The following CNTN6 variants were observed in gnomAD, a reference collection of about 807,000 sequenced individuals.
The protein encoded by CNTN6 is contactin-6.
A neutral mutation model predicts 122.8 loss-of-function variants in CNTN6; 137 were observed. The observed-to-expected ratio is 1.12, with a 90% confidence interval of 0.97 to 1.29. The LOEUF is 1.29. Among genes scored for constraint, CNTN6 ranks in the 50% most tolerant of loss-of-function variants. The probability of loss-of-function intolerance (pLI) is 0.00; values close to 1 mark genes in which losing one functional copy is unlikely to be tolerated. For missense variants in CNTN6, 1,634 were observed against 1,223.4 expected (o/e 1.34, Z -5.01); for synonymous variants, 570 against 426.0 (o/e 1.34, Z -4.16).
chr3:1,198,378 A>G (rs2093808724), intron 2 of CNTN6, among the ~76,000 whole-genome samples: 1 of 152,168 alleles, frequency 6.6e-6, no homozygotes, highest in Non-Finnish European at 1.5e-5. Flanking sequence ...CCTTTAACCT[A>G]ATTTTTCAAA....
At chr3:1,397,190 C>G (rs908423280) in intron 20 of CNTN6, among the ~76,000 whole-genome samples, 1 of 152,082 alleles carries the variant, frequency 6.6e-6, no homozygotes, top group African/African-American at 2.4e-5. Context: ...CCGGCAATTT[C>G]TCTTTTAGAG....
chr3:1,178,102 T>A (rs1417748372), intron 2 of CNTN6, among the ~76,000 whole-genome samples: 2 of 152,022 alleles, frequency 1.3e-5, no homozygotes, highest in Non-Finnish European at 2.9e-5. Context: ...GGTTTCACCA[T>A]GTTGGCCAGG....
At chr3:1,106,598 C>A (rs182118511) in intron 1 of CNTN6, among the ~76,000 whole-genome samples, 173 of 152,108 alleles carry the variant, frequency 1.1e-3, no homozygotes, top group Middle Eastern at 3.4e-3. Flanking sequence ...ATATTAAAGC[C>A]ATGAAACAAA....
intron 19 of CNTN6, among the ~76,000 whole-genome samples, chr3:1,384,782 T>TACACACACACAC (rs1559990255): frequency 7.6e-6 from 1 of 132,166 alleles, no homozygotes; most frequent in African/African-American, 2.8e-5. Flanking sequence ...CATATATATA[T>TACACACACACAC]ATATATATAT....
chr3:1,381,505 C>T (rs1334711738), intron 17 of CNTN6, among the ~76,000 whole-genome samples: 1 of 152,016 alleles, frequency 6.6e-6, no homozygotes, highest in East Asian at 1.9e-4. Flanking sequence ...AGCAAGCAGG[C>T]AGGAAGGTCA....
At chr3:1,301,087 A>G (rs1387097284) in intron 7 of CNTN6, among the ~76,000 whole-genome samples, 1 of 122,872 alleles carries the variant, frequency 8.1e-6, no homozygotes, top group Non-Finnish European at 1.6e-5. Context: ...CCCAGGCTGG[A>G]GTGCAATGGC....
intron 20 of CNTN6, chr3:1,394,305 A>G (rs763445941): frequency 5.3e-5 from 10 of 187,764 alleles, no homozygotes; most frequent in East Asian, 1.7e-4. Flanking sequence ...GGCCCCCCGA[A>G]ACAGGGCTCC....
intron 7 of CNTN6, among the ~76,000 whole-genome samples, chr3:1,304,594 T>C (rs1451345878): frequency 6.6e-6 from 1 of 152,180 alleles, no homozygotes; most frequent in Non-Finnish European, 1.5e-5. Context: ...AGCAAAATGT[T>C]AAAAAATGCT....
chr3:1,140,517 G>T (rs1215455431), intron 1 of CNTN6, among the ~76,000 whole-genome samples: 1 of 152,056 alleles, frequency 6.6e-6, no homozygotes, highest in East Asian at 1.9e-4. Context: ...AAAATAGAAA[G>T]CTGACTTCTA....
rs568732001 is a variant in CNTN6 at position 1,170,885 on chromosome 3, A to G, written c.55+22822A>G. Among the ~76,000 whole-genome samples the G allele has an allele frequency of 2.2e-4, 34 of 152,282 alleles. 1 individual carries two copies. In the South Asian group the frequency reaches 7.0e-3, roughly 32 times the overall value. ...TTAGCATCTATCTCTTTACCTTTAT[A>G]TTAGCCACAATACCCACTCCATAGA... On this transcript the variant is annotated intron_variant, in intron 2 of 22. Transcript: ENST00000446702.
intron 1 of CNTN6, among the ~76,000 whole-genome samples, chr3:1,137,451 C>A (rs2092506028): frequency 6.6e-6 from 1 of 152,044 alleles, no homozygotes; most frequent in Non-Finnish European, 1.5e-5. Context: ...GTTGATGACC[C>A]CTGGATCAGG....
At chr3:1,341,186 G>GTT (rs34258036) in intron 11 of CNTN6, among the ~76,000 whole-genome samples, 1 of 145,944 alleles carries the variant, frequency 6.9e-6, no homozygotes, top group Non-Finnish European at 1.5e-5. Context: ...TAGTTTGTTG[G>GTT]TTTTTTTTTT....
Position 1,385,644 on chromosome 3 carries a change from A to ATGAT in CNTN6, c.2552_2555dup (p.Gly853AspfsTer3), listed in dbSNP as rs1278819498. 1.2e-6 allele frequency: 2 copies of ATGAT among 1,613,916 alleles called. No homozygotes were observed. Among genetic ancestry groups the ATGAT allele is most frequent in the East Asian group, 2.2e-5 (1 of 44,890 alleles). ...CTGGACAGATGACTCCAAAGAATCC[A>ATGAT]TGATAGGTAAAATTAGAGTCAGTGG... On this transcript the variant is annotated frameshift_variant, in exon 20 of 23. Transcript: ENST00000446702. LOFTEE classifies it high-confidence loss of function.
rs138682306 is a variant in CNTN6 at position 1,374,010 on chromosome 3, G to A, written c.2032G>A (p.Gly678Ser). ...GGAATATGAATTTCGTGTTGTTGCC[G>A]GCAACAGCATTGGGATTGGAGAACC... ...WVEYEFRVVA[G>S]NSIGIGEPSE... Residue 678 changes from glycine (G) to serine (S), a missense_variant, in exon 16 of 23, where the codon GGC (glycine) becomes AGC (serine). Gly to Ser is a moderately conservative substitution (Grantham distance 56). Coordinates refer to ENST00000446702, the MANE Select transcript of CNTN6 (RefSeq NM_001289080.2). 1.5e-4 allele frequency: 240 copies of A among 1,612,902 alleles called. No individual in the cohort carries two copies. The highest frequency in any genetic ancestry group is 6.3e-4 in the African/African-American group (47 of 74,812).
At chr3:1,372,541 T>G in intron 13 of CNTN6, 67 bp downstream of exon 13, 1 of 1,246,334 alleles carries the variant, frequency 8.0e-7, no homozygotes, top group Non-Finnish European at 1.1e-6. Context: ...TCACCATTTT[T>G]CATAGTTACT....
intron 1 of CNTN6, among the ~76,000 whole-genome samples, chr3:1,097,594 C>G (rs1202074310): frequency 6.6e-6 from 1 of 152,160 alleles, no homozygotes; most frequent in Non-Finnish European, 1.5e-5. Context: ...ATTTCCTTCC[C>G]TATATCTAGC....
chr3:1,166,884 G>A (rs2125273727), intron 2 of CNTN6, among the ~76,000 whole-genome samples: 1 of 152,102 alleles, frequency 6.6e-6, no homozygotes, highest in Non-Finnish European at 1.5e-5. Flanking sequence ...GGGCCTATTG[G>A]GGAGTTGGGA....
chr3:1,176,207 C>T (rs541919880), intron 2 of CNTN6, among the ~76,000 whole-genome samples: 2 of 152,102 alleles, frequency 1.3e-5, no homozygotes, highest in South Asian at 2.1e-4. Context: ...CAACTAAGGT[C>T]GGGAGTTTGA....
intron 1 of CNTN6, among the ~76,000 whole-genome samples, chr3:1,144,608 TAAAAA>T (rs1185179756): frequency 7.0e-6 from 1 of 142,726 alleles, no homozygotes; most frequent in African/African-American, 2.7e-5. Flanking sequence ...AAATAAAAAA[TAAAAA>T]AAGAATGAAG....
Sources: allele counts gnomAD v4.1 joint callset (sites outside exome capture counted in the v4.1 genomes callset), GRCh38; gene constraint gnomAD v4.1.1; transcripts MANE v1.5; gene names NCBI Gene and HGNC (gene_info 2026-07-23, HGNC 2026-07-21).